The following TMEM132C variants were observed in gnomAD, a reference collection of about 807,000 sequenced individuals.
The protein encoded by TMEM132C is transmembrane protein 132C, also known as protein phosphatase 1, regulatory subunit 152.
TMEM132C carries 29 observed loss-of-function variants against 61.4 expected under a neutral mutation model. The observed-to-expected ratio is 0.47, with a 90% confidence interval of 0.35 to 0.64. The LOEUF is 0.64. Ranked by LOEUF, TMEM132C falls within the 30% of genes least tolerant of loss-of-function variation. The probability of loss-of-function intolerance (pLI) is 0.00; values close to 1 mark genes in which losing one functional copy is unlikely to be tolerated. For missense variants in TMEM132C, 1,408 were observed against 1,476.9 expected (o/e 0.95, Z 0.76); for synonymous variants, 656 against 633.1 (o/e 1.04, Z -0.54).
chr12:128,614,888 G>A (rs1876748683), intron 3 of TMEM132C, among the ~76,000 whole-genome samples: 6 of 152,150 alleles, frequency 3.9e-5, no homozygotes, highest in Admixed American at 3.3e-4. Flanking sequence ...GACGACAAAG[G>A]TCCAACCTCT....
chr12:128,564,063 G>T (rs1186967477), intron 3 of TMEM132C, among the ~76,000 whole-genome samples: 1 of 152,224 alleles, frequency 6.6e-6, no homozygotes, highest in Non-Finnish European at 1.5e-5. Context: ...CAGACCTGTT[G>T]TCTGAGGAGG....
intron 2 of TMEM132C, among the ~76,000 whole-genome samples, chr12:128,502,184 C>T (rs113479528): frequency 0.015 from 2,212 of 152,328 alleles, 58 homozygotes; most frequent in African/African-American, 0.05. Flanking sequence ...CCAAGTCATG[C>T]TTTGGATGCA....
chr12:128,491,194 C>G (rs1246957650), intron 2 of TMEM132C, among the ~76,000 whole-genome samples: 2 of 152,130 alleles, frequency 1.3e-5, no homozygotes, highest in Admixed American at 1.3e-4. Flanking sequence ...CATTTGTTAT[C>G]ATTGATAAGG....
At chr12:128,685,509 T>C (rs1208835453) in intron 5 of TMEM132C, among the ~76,000 whole-genome samples, 2 of 152,224 alleles carry the variant, frequency 1.3e-5, no homozygotes, top group Non-Finnish European at 2.9e-5. Context: ...TATTAATAGC[T>C]ACTTTGGAGG....
At chr12:128,469,034 A>G (rs1870838145) in intron 2 of TMEM132C, among the ~76,000 whole-genome samples, 1 of 152,194 alleles carries the variant, frequency 6.6e-6, no homozygotes, top group African/African-American at 2.4e-5. Flanking sequence ...AATTCAACAC[A>G]TCCCTCATAG....
intron 2 of TMEM132C, among the ~76,000 whole-genome samples, chr12:128,530,876 G>C (rs987472600): frequency 1.3e-5 from 2 of 152,196 alleles, no homozygotes; most frequent in African/African-American, 4.8e-5. Context: ...TATTACCTTT[G>C]TTTCTAACAT....
At chr12:128,468,258 A>G (rs1870810133) in intron 2 of TMEM132C, among the ~76,000 whole-genome samples, 1 of 152,000 alleles carries the variant, frequency 6.6e-6, no homozygotes, top group African/African-American at 2.4e-5. Flanking sequence ...CAGGGAGGGC[A>G]GGGGGCTTAG....
At chr12:128,659,337 C>T (rs777489521) in intron 4 of TMEM132C, among the ~76,000 whole-genome samples, 14 of 152,316 alleles carry the variant, frequency 9.2e-5, no homozygotes, top group Admixed American at 5.2e-4. Flanking sequence ...CAGACACCTG[C>T]TCTCCCCACA....
intron 1 of TMEM132C, among the ~76,000 whole-genome samples, chr12:128,302,967 C>G (rs958078108): frequency 8.5e-5 from 13 of 152,198 alleles, no homozygotes; most frequent in Non-Finnish European, 1.5e-4. Flanking sequence ...TCTTTGCACC[C>G]TAGGGCAATG....
rs144106262 is a variant in TMEM132C at position 128,308,482 on chromosome 12, C to G, written c.85+40995C>G. On this transcript the variant is annotated intron_variant, in intron 1 of 8. Coordinates refer to ENST00000435159, the MANE Select transcript of TMEM132C (RefSeq NM_001136103.3). The stretch of plus-strand genomic sequence containing the variant: ...GTTAACCCTACCACAGGGACCAGTG[C>G]ACAGCAGAGAAATTAGAACTGTGTC... Among the ~76,000 whole-genome samples, 72 of 152,256 alleles carry G rather than the reference C, an allele frequency of 4.7e-4. 1 individual carries two copies. In the East Asian group the frequency reaches 0.012, roughly 26 times the overall value.
chr12:128,383,511 G>A (rs555225598), intron 1 of TMEM132C, among the ~76,000 whole-genome samples: 3 of 152,242 alleles, frequency 2.0e-5, no homozygotes, highest in South Asian at 2.1e-4. Flanking sequence ...ATCCCTGGGT[G>A]TCCCGGGATT....
chr12:128,301,450 A>C (rs1018499270), intron 1 of TMEM132C, among the ~76,000 whole-genome samples: 11 of 152,214 alleles, frequency 7.2e-5, no homozygotes, highest in Non-Finnish European at 1.6e-4. Context: ...TAGTAGTATT[A>C]GTATTAGCGT....
chr12:128,686,058 T>TGTGTGTGCATGC lies in TMEM132C; in HGVS notation c.1450-7762_1450-7751dup, dbSNP rs1555243283. Among the ~76,000 whole-genome samples the TGTGTGTGCATGC allele has an allele frequency of 3.4e-3, 427 of 127,274 alleles. 3 individuals carry two copies. Among genetic ancestry groups the TGTGTGTGCATGC allele is most frequent in the African/African-American group, 0.012 (405 of 33,108 alleles). The allele number at this position is 127,274 out of a possible 152,430, so 83.5% of individuals were successfully genotyped here. Reference sequence around the variant, plus strand: ...GTGTATTCGCGCGTGTGTGCATGTGTGTGTGTGCATGCGTGTGTGCGCATG... The same window carrying TGTGTGTGCATGC: ...GTGTATTCGCGCGTGTGTGCATGTGTGTGTGTGCATGCGTGTGTGCATGCGTGTGTGCGCATG... On this transcript the variant is annotated intron_variant, in intron 5 of 8. Transcript: ENST00000435159.
chr12:128,592,685 G>T (rs189597727), intron 3 of TMEM132C, among the ~76,000 whole-genome samples: 1 of 152,344 alleles, frequency 6.6e-6, no homozygotes, highest in Non-Finnish European at 1.5e-5. Flanking sequence ...CAGCCACGGA[G>T]GGGACACGGG....
intron 1 of TMEM132C, among the ~76,000 whole-genome samples, chr12:128,269,259 A>G (rs142625702): frequency 0.029 from 4,336 of 151,578 alleles, 181 homozygotes; most frequent in African/African-American, 0.089. Context: ...CCGGGTTTTC[A>G]CCCCTTGCCC....
intron 3 of TMEM132C, among the ~76,000 whole-genome samples, chr12:128,604,477 A>G (rs2135575927): frequency 6.6e-6 from 1 of 152,056 alleles, no homozygotes; most frequent in Admixed American, 6.5e-5. Flanking sequence ...GATGATACAA[A>G]TGGATAGATC....
intron 6 of TMEM132C, among the ~76,000 whole-genome samples, chr12:128,694,484 C>G (rs1372852376): frequency 6.6e-6 from 1 of 152,168 alleles, no homozygotes; most frequent in Admixed American, 6.5e-5. Flanking sequence ...CCAAAAGCTT[C>G]TAATTTTTTT....
chr12:128,405,920 C>T (rs527610787), intron 1 of TMEM132C, among the ~76,000 whole-genome samples: 61 of 152,278 alleles, frequency 4.0e-4, no homozygotes, highest in African/African-American at 1.3e-3. Context: ...CAGCAGCCCC[C>T]ATGGACAGGT....
At chr12:128,340,517 G>A (rs1468012956) in intron 1 of TMEM132C, among the ~76,000 whole-genome samples, 2 of 150,678 alleles carry the variant, frequency 1.3e-5, no homozygotes, top group African/African-American at 2.5e-5. Context: ...GATACATAGA[G>A]CAAAGACCCA....
Sources: gnomAD v4.1 joint callset for allele counts (sites outside exome capture counted in the v4.1 genomes callset) on GRCh38, gnomAD v4.1.1 for gene constraint, MANE v1.5 for transcripts, NCBI Gene and HGNC (gene_info 2026-07-23, HGNC 2026-07-21) for gene names.